SV2C: variants seen among roughly 807,000 people sequenced by gnomAD.
SV2C encodes synaptic vesicle glycoprotein 2C.
SV2C carries 49 observed loss-of-function variants against 79.7 expected under a neutral mutation model. The ratio of observed to expected loss-of-function variants is 0.61; its 90% CI spans 0.49 to 0.78. SV2C has a LOEUF of 0.78. Among genes scored for constraint, SV2C ranks in the 30% least tolerant of loss-of-function variants. The pLI is 0.00. For missense variants in SV2C, 833 were observed against 912.9 expected (o/e 0.91, Z 1.13); for synonymous variants, 334 against 333.2 (o/e 1.00, Z -0.03).
At chr5:75,850,823 G>A in the SV2C span, among the ~76,000 whole-genome samples, 4 of 152,168 alleles carry the variant, frequency 2.6e-5, no homozygotes, top group Admixed American at 2.0e-4. Context: ...GCTGTGCTGT[G>A]TGCTGCAGAG....
rs1748906537 is a variant in SV2C, at chr5:76,131,940, A to G, written c.190A>G (p.Thr64Ala). 8.1e-6 allele frequency: 13 copies of G among 1,614,072 alleles called. No individual in the cohort carries two copies. In the East Asian group the frequency reaches 1.1e-4, roughly 14 times the overall value. ...TGATGACTACTACCCGGCTGGAGAA[A>G]CCTATAATGGTGAGGCCAACGATGA... ...DDDDYYPAGE[T>A]YNGEANDDEG... Residue 64 changes from threonine to alanine, a missense_variant, in exon 2 of 13, where the codon ACC (threonine) becomes GCC (alanine). By Grantham distance (58) the Thr-to-Ala change is moderately conservative (BLOSUM62 0). Coordinates refer to ENST00000502798, the MANE Select transcript of SV2C (RefSeq NM_014979.4).
At chr5:76,300,617 C>T (rs1008637865) in intron 10 of SV2C, 112 bp from the exon 11 acceptor site, 2 of 1,109,766 alleles carry the variant, frequency 1.8e-6, no homozygotes, top group Middle Eastern at 3.0e-4. Flanking sequence ...GGCCTGAAAG[C>T]CCTCAAGGAA....
In SV2C at chr5:76,325,503, G is replaced by C; in HGVS notation, c.2140G>C (p.Val714Leu). 1 of 1,614,142 alleles carries C rather than the reference G, an allele frequency of 6.2e-7. No homozygotes were observed. Among genetic ancestry groups the C allele is most frequent in the East Asian group, 2.2e-5 (1 of 44,886 alleles). Residue 714 changes from valine to leucine, a missense_variant, in exon 13 of 13, where the codon GTT (valine) becomes CTT (leucine). Coordinates refer to ENST00000502798, the MANE Select transcript of SV2C (RefSeq NM_014979.4). ...ASTVLVCGGL[V>L]GLCLPDTRTQ... ...TACTGTGCTCGTGTGTGGAGGACTC[G>C]TTGGGCTGTGCCTGCCTGACACACG...
the SV2C span, among the ~76,000 whole-genome samples, chr5:75,916,279 C>CTCCT: frequency 6.8e-6 from 1 of 146,520 alleles, no homozygotes. Context: ...TCCTCACCTT[C>CTCCT]CTCCTCCTCC....
In SV2C at chr5:76,117,209, T is replaced by C. The variant is rs563294785; in HGVS notation, c.-101-14441T>C. 9.5e-4 allele frequency among the ~76,000 whole-genome samples: 145 copies of C among 152,324 alleles called. 1 individual carries two copies. Among genetic ancestry groups the C allele is most frequent in the Middle Eastern group, 3.4e-3 (1 of 294 alleles). Reference sequence around the variant, plus strand: ...GCAGAAACTAGTTTGTGGCCAATTATATATCATGGTTTTGAGAAAACTATA... The same window carrying C: ...GCAGAAACTAGTTTGTGGCCAATTACATATCATGGTTTTGAGAAAACTATA... On this transcript the variant is annotated intron_variant, in intron 1 of 12. Transcript: ENST00000502798.
upstream of SV2C, chr5:76,079,670 CT>C (rs981605783): frequency 6.1e-6 from 2 of 330,562 alleles, no homozygotes; most frequent in Non-Finnish European, 6.0e-6. Flanking sequence ...GCTTGGGTGC[CT>C]GTATTGCCTT....
At chr5:76,217,924 G>A (rs1293337597) in intron 4 of SV2C, among the ~76,000 whole-genome samples, 1 of 152,188 alleles carries the variant, frequency 6.6e-6, no homozygotes, top group African/African-American at 2.4e-5. Flanking sequence ...AGGCCATGGT[G>A]CTATCGTTCC....
At chr5:76,139,738 GGT>G (rs1399262068) in intron 2 of SV2C, among the ~76,000 whole-genome samples, 96 of 152,030 alleles carry the variant, frequency 6.3e-4, no homozygotes, top group African/African-American at 2.2e-3. Flanking sequence ...AGAGTCAATT[GGT>G]ATACTGGACG....
the SV2C span, among the ~76,000 whole-genome samples, chr5:75,973,128 A>G: frequency 2.6e-5 from 4 of 151,928 alleles, no homozygotes; most frequent in Non-Finnish European, 5.9e-5. Flanking sequence ...TTGAACAATG[A>G]GAACACATGG....
the SV2C span, among the ~76,000 whole-genome samples, chr5:75,986,491 G>C: frequency 1.3e-5 from 2 of 151,924 alleles, no homozygotes; most frequent in African/African-American, 4.8e-5. Flanking sequence ...CCAATATCTT[G>C]ACATTAGCCC....
chr5:76,069,003 G>T, the SV2C span, among the ~76,000 whole-genome samples: 2 of 152,252 alleles, frequency 1.3e-5, no homozygotes, highest in Admixed American at 6.5e-5. Context: ...GAAAAGAAAA[G>T]AAAAACAGCT....
At chr5:76,081,706 T>C (rs941065170), upstream of SV2C, among the ~76,000 whole-genome samples, 13 of 152,244 alleles carry the variant, frequency 8.5e-5, no homozygotes, top group African/African-American at 3.1e-4. Flanking sequence ...CAACAGCACA[T>C]GAGAATCATA....
intron 2 of SV2C, among the ~76,000 whole-genome samples, chr5:76,177,236 A>ATATT (rs1743567072): frequency 1.3e-5 from 2 of 148,720 alleles, no homozygotes; most frequent in African/African-American, 4.9e-5. Context: ...TAATCTGTAT[A>ATATT]TATGATTCTT....
chr5:76,015,563 A>G, the SV2C span, among the ~76,000 whole-genome samples: 1 of 152,068 alleles, frequency 6.6e-6, no homozygotes, highest in Non-Finnish European at 1.5e-5. Context: ...CTTAGAAATA[A>G]TCTTAAATAT....
At chr5:75,896,665 C>T in the SV2C span, among the ~76,000 whole-genome samples, 3 of 151,632 alleles carry the variant, frequency 2.0e-5, no homozygotes, top group African/African-American at 7.3e-5. Context: ...AATGGTTGAA[C>T]TAGTTTACAG....
chr5:76,189,304 C>T (rs1195122523), intron 2 of SV2C, among the ~76,000 whole-genome samples: 1 of 151,918 alleles, frequency 6.6e-6, no homozygotes, highest in Non-Finnish European at 1.5e-5. Flanking sequence ...CTCCTGGAAC[C>T]CCAAAATTGT....
At chr5:76,064,663 G>A in the SV2C span, among the ~76,000 whole-genome samples, 4 of 152,054 alleles carry the variant, frequency 2.6e-5, no homozygotes, top group South Asian at 2.1e-4. Flanking sequence ...GGGCCCCATC[G>A]TTTTCCTTCT....
In SV2C at chr5:76,331,209, C is replaced by T. The variant is rs1158844963; in HGVS notation, c.*5662C>T. 6.6e-6 allele frequency: 1 copy of T among 152,216 alleles called. No homozygotes were observed. The highest frequency in any genetic ancestry group is 1.5e-5 in the Non-Finnish European group (1 of 68,088). 9.4% of individuals were successfully genotyped at this position (152,216 alleles called of 1,614,324 possible). On this transcript the variant is annotated 3_prime_UTR_variant, in exon 13 of 13. Transcript: ENST00000502798. ...TCTTTTCATGGTGTGAAACCAGAGA[C>T]AGGAGCTAGGGGGTCTGTTCCCCAG...
At chr5:76,223,081 C>G (rs553237356) in intron 4 of SV2C, among the ~76,000 whole-genome samples, 1 of 152,274 alleles carries the variant, frequency 6.6e-6, no homozygotes, top group African/African-American at 2.4e-5. Context: ...TACCCCTTGT[C>G]TGTCCAGGCG....
Sources: gnomAD v4.1 joint callset for allele counts (sites outside exome capture counted in the v4.1 genomes callset) on GRCh38, gnomAD v4.1.1 for gene constraint, MANE v1.5 for transcripts, NCBI Gene and HGNC (gene_info 2026-07-23, HGNC 2026-07-21) for gene names.